MPPED2: variants seen among roughly 807,000 people sequenced by gnomAD.
MPPED2 encodes the protein metallophosphoesterase domain containing 2.
In MPPED2, 5 loss-of-function variants were observed where a neutral mutation model predicts 33.0. The ratio of observed to expected loss-of-function variants is 0.15; its 90% CI spans 0.08 to 0.32. The LOEUF is 0.32. Among genes scored for constraint, MPPED2 ranks in the 10% least tolerant of loss-of-function variants. MPPED2 has a pLI of 1.00. For missense variants in MPPED2, 275 were observed against 372.1 expected (o/e 0.74, Z 2.15); for synonymous variants, 136 against 141.9 (o/e 0.96, Z 0.29).
chr11:30,585,382 C>A (rs1201114556), intron 1 of MPPED2, among the ~76,000 whole-genome samples: 2 of 151,838 alleles, frequency 1.3e-5, no homozygotes, highest in South Asian at 4.1e-4. Flanking sequence ...GAGCGGCGCG[C>A]GCGGGCGGCC....
intron 5 of MPPED2, among the ~76,000 whole-genome samples, 188 bp from the exon 6 acceptor site, chr11:30,414,529 A>AT (rs908435918): frequency 3.4e-5 from 5 of 147,822 alleles, no homozygotes; most frequent in Non-Finnish European, 3.0e-5. Context: ...GGTTCTTGAA[A>AT]TTTTTTTTTG....
chr11:30,454,664 G>A (rs1370960305), intron 4 of MPPED2, among the ~76,000 whole-genome samples: 1 of 152,078 alleles, frequency 6.6e-6, no homozygotes, highest in African/African-American at 2.4e-5. Flanking sequence ...AAAAAATCCT[G>A]TATCTGAAAA....
Position 30,392,144 on chromosome 11 carries a change from T to G in MPPED2, c.767-3188A>C, listed in dbSNP as rs1947786257. ...TTCTAACTTCCCACTTGAGTTCAAATAACAAATTCAACAACATTTTTGAAC... is the reference window on the plus strand; with the variant it reads ...TTCTAACTTCCCACTTGAGTTCAAAGAACAAATTCAACAACATTTTTGAAC... On this transcript the variant is annotated intron_variant, in intron 6 of 6. Transcript: ENST00000448418. Among the ~76,000 whole-genome samples, 2 of 152,238 alleles carry G rather than the reference T, an allele frequency of 1.3e-5. 1 individual carries two copies. Among genetic ancestry groups the G allele is most frequent in the Admixed American group, 1.3e-4 (2 of 15,288 alleles).
intron 2 of MPPED2, among the ~76,000 whole-genome samples, chr11:30,579,084 G>C (rs118078738): frequency 6.9e-6 from 1 of 145,960 alleles, no homozygotes; most frequent in Non-Finnish European, 1.5e-5. Context: ...TAACTGACTC[G>C]CTCTCCAGAA....
chr11:30,483,449 T>G (rs1951582660), intron 4 of MPPED2, among the ~76,000 whole-genome samples: 1 of 152,204 alleles, frequency 6.6e-6, no homozygotes, highest in Non-Finnish European at 1.5e-5. Flanking sequence ...AAAACAAACT[T>G]GTCTTCCATA....
chr11:30,391,251 T>C (rs1311719520), intron 6 of MPPED2, among the ~76,000 whole-genome samples: 3 of 152,092 alleles, frequency 2.0e-5, no homozygotes, highest in Non-Finnish European at 2.9e-5. Context: ...TCAGCAGCTT[T>C]TTTGCTGAAT....
chr11:30,518,006 C>T (rs1393969362), intron 3 of MPPED2, among the ~76,000 whole-genome samples: 1 of 147,122 alleles, frequency 6.8e-6, no homozygotes, highest in Non-Finnish European at 1.5e-5. Context: ...CACACTATTA[C>T]TGAACTATAT....
chr11:30,524,972 T>G (rs1954086850), intron 3 of MPPED2, among the ~76,000 whole-genome samples: 1 of 152,144 alleles, frequency 6.6e-6, no homozygotes, highest in Non-Finnish European at 1.5e-5. Flanking sequence ...CAATAAAACC[T>G]CAAATAATTA....
At chr11:30,455,424 CTCTCTT>C (rs1950240078) in intron 4 of MPPED2, among the ~76,000 whole-genome samples, 1 of 152,192 alleles carries the variant, frequency 6.6e-6, no homozygotes, top group African/African-American at 2.4e-5. Context: ...TTGATCTCTC[CTCTCTT>C]TCTCTTTGTG....
rs923510459 is a variant in MPPED2, at chr11:30,543,515, T to C, written c.129-7340A>G. On this transcript the variant is annotated intron_variant, in intron 2 of 6. Transcript: ENST00000358117. ...ATGAAAGAGCAGAAACAATTCAGGTTCTGAAGTCACTCCAAACCTGTTTTT... is the reference window on the plus strand; with the variant it reads ...ATGAAAGAGCAGAAACAATTCAGGTCCTGAAGTCACTCCAAACCTGTTTTT... Among the ~76,000 whole-genome samples, 9 of 152,364 alleles carry C rather than the reference T, an allele frequency of 5.9e-5. No individual in the cohort carries two copies. In the East Asian group the frequency reaches 1.7e-3, roughly 29 times the overall value.
chr11:30,496,978 T>C (rs989519378), intron 3 of MPPED2, among the ~76,000 whole-genome samples: 4 of 152,084 alleles, frequency 2.6e-5, no homozygotes, highest in Non-Finnish European at 5.9e-5. Context: ...AAGAGAGAGA[T>C]GAAAGCAGTC....
In MPPED2 at chr11:30,410,661, T is replaced by C; in HGVS notation, c.*807A>G. ...ACAGCATCCCTTTGCAGTTGTACTG[T>C]CCTTGACAATAATAAACTCCTAACG... On this transcript the variant is annotated 3_prime_UTR_variant, in exon 7 of 7. Transcript: ENST00000358117. The C allele has an allele frequency of 2.0e-6, 2 of 985,658 alleles. No individual in the cohort carries two copies. Among genetic ancestry groups the C allele is most frequent in the African/African-American group, 3.5e-5 (2 of 57,354 alleles). The allele number at this position is 985,658 out of a possible 1,614,324, so 61.1% of individuals were successfully genotyped here.
At chr11:30,479,147 G>A (rs1951361895) in intron 4 of MPPED2, among the ~76,000 whole-genome samples, 3 of 151,970 alleles carry the variant, frequency 2.0e-5, no homozygotes, top group Admixed American at 6.6e-5. Flanking sequence ...ATGCTGGAGG[G>A]AGGGAGATCA....
chr11:30,527,801 CCT>C (rs1954281611), intron 3 of MPPED2, among the ~76,000 whole-genome samples: 2 of 152,268 alleles, frequency 1.3e-5, no homozygotes, highest in South Asian at 4.2e-4. Flanking sequence ...CTCCCCTCCC[CCT>C]GTCTCTCCAA....
intron 6 of MPPED2, among the ~76,000 whole-genome samples, chr11:30,397,636 G>C (rs559675047): frequency 3.2e-4 from 49 of 152,084 alleles, no homozygotes; most frequent in Non-Finnish European, 5.7e-4. Context: ...TACCATGCTA[G>C]GCAATTTACA....
rs539516343 is a variant in MPPED2 at position 30,578,044 on chromosome 11, T to A, written c.128+2202A>T. Among the ~76,000 whole-genome samples, 4 of 152,134 alleles carry A rather than the reference T, an allele frequency of 2.6e-5. No individual in the cohort carries two copies. In the South Asian group the frequency reaches 8.3e-4, roughly 32 times the overall value. On this transcript the variant is annotated intron_variant, in intron 2 of 6. Transcript: ENST00000358117. Reference sequence around the variant, plus strand: ...TAGGTAGACAGAGAAACAGACAGATTAAGAAAAATAATAATGGAGGTGGTA... The same window carrying A: ...TAGGTAGACAGAGAAACAGACAGATAAAGAAAAATAATAATGGAGGTGGTA...
chr11:30,512,513 GT>G lies in MPPED2; in HGVS notation c.311-16993del, dbSNP rs569324790. Among the ~76,000 whole-genome samples, 444 of 151,838 alleles carry G rather than the reference GT, an allele frequency of 2.9e-3. 1 individual carries two copies. Among genetic ancestry groups the G allele is most frequent in the Non-Finnish European group, 4.6e-3 (312 of 67,928 alleles). On this transcript the variant is annotated intron_variant, in intron 3 of 6. Coordinates refer to ENST00000358117, the MANE Select transcript of MPPED2 (RefSeq NM_001584.3). ...AAAAACTGAAATTAGGTCTGCTCTT[GT>G]TGTGGGGGGAAGGAGGGAGGGATAA...
chr11:30,513,652 A>G (rs993659129), intron 3 of MPPED2, among the ~76,000 whole-genome samples: 5 of 152,218 alleles, frequency 3.3e-5, no homozygotes, highest in South Asian at 2.1e-4. Flanking sequence ...ATCTGACCAC[A>G]TAACAGGAAC....
intron 4 of MPPED2, among the ~76,000 whole-genome samples, chr11:30,445,709 C>T (rs182530129): frequency 4.6e-5 from 7 of 152,300 alleles, no homozygotes; most frequent in African/African-American, 7.2e-5. Flanking sequence ...ATACAATATA[C>T]GTTCTTTTGT....
Sources: gnomAD v4.1 joint callset for allele counts (sites outside exome capture counted in the v4.1 genomes callset) on GRCh38, gnomAD v4.1.1 for gene constraint, MANE v1.5 for transcripts, NCBI Gene and HGNC (gene_info 2026-07-23, HGNC 2026-07-21) for gene names.